Variants in ADAMTS20 observed in about 807,000 individuals in gnomAD.
ADAMTS20 encodes the protein A disintegrin and metalloproteinase with thrombospondin motifs 20.
ADAMTS20 carries 225 observed loss-of-function variants against 260.1 expected under a neutral mutation model. The ratio of observed to expected loss-of-function variants is 0.87; its 90% CI spans 0.78 to 0.97. The LOEUF is 0.97. Ranked by LOEUF, ADAMTS20 falls within the 50% of genes least tolerant of loss-of-function variation. The pLI is 0.00. For synonymous variants in ADAMTS20, 802 were observed against 769.5 expected (o/e 1.04, Z -0.70); for missense variants, 2,400 against 2,337.7 (o/e 1.03, Z -0.55).
intron 29 of ADAMTS20, among the ~76,000 whole-genome samples, chr12:43,391,393 C>A (rs1359636215): frequency 6.6e-6 from 1 of 152,050 alleles, no homozygotes; most frequent in Non-Finnish European, 1.5e-5. Context: ...CTTTTTTACT[C>A]CAGACTGAGC....
chr12:43,477,745 A>G (rs1287690644), intron 7 of ADAMTS20, among the ~76,000 whole-genome samples: 9 of 152,290 alleles, frequency 5.9e-5, no homozygotes, highest in Non-Finnish European at 1.3e-4. Flanking sequence ...GCGGTAAGCA[A>G]TGAATAATAA....
chr12:43,503,270 G>C (rs909959836), intron 3 of ADAMTS20, among the ~76,000 whole-genome samples: 1 of 151,898 alleles, frequency 6.6e-6, no homozygotes. Flanking sequence ...TTTGGTGGTG[G>C]TATTTTCAAT....
chr12:43,463,410 G>A (rs1267299429), intron 10 of ADAMTS20, among the ~76,000 whole-genome samples: 1 of 151,994 alleles, frequency 6.6e-6, no homozygotes, highest in East Asian at 1.9e-4. Flanking sequence ...AATGTATAAT[G>A]TATACTGAAG....
At chr12:43,440,096 G>A in intron 16 of ADAMTS20, 27 bp from the exon 17 acceptor site, 1 of 1,386,550 alleles carries the variant, frequency 7.2e-7, no homozygotes, top group African/African-American at 1.5e-5. Context: ...CATAACTCAT[G>A]AAATAGTAAC....
At chr12:43,356,248 T>C (rs1939739901) in intron 38 of ADAMTS20, among the ~76,000 whole-genome samples, 1 of 152,336 alleles carries the variant, frequency 6.6e-6, no homozygotes, top group Middle Eastern at 3.4e-3. Flanking sequence ...CAAATATCTA[T>C]AGCCTATATA....
At position 43,460,990 on chromosome 12, in the gene ADAMTS20, T is replaced by TATATA. The variant is rs1942054178; in HGVS notation, c.1614+1904_1614+1905insTATAT. ...TATATATATATATATATATATATAT[T>TATATA]TTTTTTTTTTTTTTTTTTTTTGAGA... On this transcript the variant is annotated intron_variant, in intron 11 of 38. Coordinates refer to ENST00000389420, the MANE Select transcript of ADAMTS20 (RefSeq NM_025003.5). Among the ~76,000 whole-genome samples the TATATA allele has an allele frequency of 2.1e-3, 57 of 27,742 alleles. 1 individual carries two copies. Among genetic ancestry groups the TATATA allele is most frequent in the African/African-American group, 4.2e-3 (39 of 9,178 alleles). The allele number at this position is 27,742 out of a possible 152,430, so 18.2% of individuals were successfully genotyped here. A position where few individuals can be genotyped will look rare whatever the true frequency, so the allele number is the denominator to read the frequency against.
chr12:43,535,377 A>C (rs1297193760), intron 2 of ADAMTS20, among the ~76,000 whole-genome samples: 1 of 148,672 alleles, frequency 6.7e-6, no homozygotes, highest in African/African-American at 2.4e-5. Flanking sequence ...TAGACCTAGA[A>C]TATAAAGACT....
rs369178202 is a variant in ADAMTS20, at chr12:43,469,971, G to A, written c.1118-1266C>T. 8.5e-5 allele frequency among the ~76,000 whole-genome samples: 13 copies of A among 152,166 alleles called. No homozygotes were observed. In the East Asian group the frequency reaches 1.5e-3, roughly 18 times the overall value. On this transcript the variant is annotated intron_variant, in intron 7 of 38. Transcript: ENST00000389420. ...CCACACCATCAAAAGGTCTTGCTTC[G>A]GCAAGGTCCCTCCAGAAAACGAGCT...
chr12:43,389,766 A>C (rs541957527), intron 29 of ADAMTS20, among the ~76,000 whole-genome samples: 187 of 152,190 alleles, frequency 1.2e-3, no homozygotes, highest in African/African-American at 4.4e-3. Flanking sequence ...CTGTCCAATA[A>C]CATGATAACA....
intron 28 of ADAMTS20, among the ~76,000 whole-genome samples, chr12:43,402,758 G>A (rs1032717820): frequency 1.1e-4 from 16 of 151,974 alleles, no homozygotes; most frequent in Middle Eastern, 3.2e-3. Context: ...CACCATCATA[G>A]TCTTGAAGTT....
At chr12:43,532,489 A>G (rs1943237228) in intron 2 of ADAMTS20, among the ~76,000 whole-genome samples, 1 of 152,120 alleles carries the variant, frequency 6.6e-6, no homozygotes, top group Non-Finnish European at 1.5e-5. Flanking sequence ...AGTGTTTAGA[A>G]TAGTCTATAA....
intron 3 of ADAMTS20, among the ~76,000 whole-genome samples, chr12:43,530,452 C>G (rs1943204553): frequency 6.6e-6 from 1 of 152,122 alleles, no homozygotes; most frequent in African/African-American, 2.4e-5. Context: ...AGAAAGGCAT[C>G]TATTATGTCA....
At chr12:43,370,635 T>G (rs2137201281) in intron 36 of ADAMTS20, among the ~76,000 whole-genome samples, 1 of 152,336 alleles carries the variant, frequency 6.6e-6, no homozygotes, top group South Asian at 2.1e-4. Context: ...TATATCAAAT[T>G]CCTATTGGGC....
Position 43,502,205 on chromosome 12 carries a change from C to T in ADAMTS20, c.814G>A (p.Val272Ile). The T allele has an allele frequency of 6.2e-7, 1 of 1,609,790 alleles. No homozygotes were observed. Among genetic ancestry groups the T allele is most frequent in the Non-Finnish European group, 8.5e-7 (1 of 1,178,398 alleles). Residue 272 changes from valine (V) to isoleucine (I), a missense_variant, in exon 4 of 39, where the codon GTT becomes ATT. Physicochemically the swap from Val to Ile is conservative, Grantham distance 29 (BLOSUM62 3). Transcript: ENST00000389420. Reference protein sequence around the residue: ...EIMVTADAKVVSAHGSNLQNY... With the variant: ...EIMVTADAKVISAHGSNLQNY... ...TGCAAATTCGATCCATGAGCAGAAACCACTTTAGCATCAGCTGTAACCATA... is the reference window on the plus strand; with the variant it reads ...TGCAAATTCGATCCATGAGCAGAAATCACTTTAGCATCAGCTGTAACCATA...
Position 43,505,564 on chromosome 12 carries a change from C to A in ADAMTS20, c.614-3159G>T, listed in dbSNP as rs899453745. On this transcript the variant is annotated intron_variant, in intron 3 of 38. Transcript: ENST00000389420. ...AGCACAATTAATCATTAAAGAAATG[C>A]AAATCAAAACCACAATATCACTTCA... is the stretch of plus-strand genomic sequence containing the variant. 2.6e-5 allele frequency among the ~76,000 whole-genome samples: 4 copies of A among 152,028 alleles called. 1 individual carries two copies. The South Asian group carries it at 8.3e-4, about 32-fold the overall frequency.
At chr12:43,492,718 A>G in intron 5 of ADAMTS20, 89 bp from the exon 6 acceptor site, 1 of 1,451,698 alleles carries the variant, frequency 6.9e-7, no homozygotes, top group Non-Finnish European at 9.4e-7. Flanking sequence ...AATTTATCAA[A>G]TAGCATTCTC....
intron 2 of ADAMTS20, among the ~76,000 whole-genome samples, chr12:43,547,382 A>G (rs1943454810): frequency 6.6e-6 from 1 of 152,166 alleles, no homozygotes; most frequent in Non-Finnish European, 1.5e-5. Flanking sequence ...GGAGGCAAAG[A>G]AAACAGATGC....
At chr12:43,432,194 A>G (rs748598659) in intron 21 of ADAMTS20, 110 bp downstream of exon 21, 8 of 1,224,336 alleles carry the variant, frequency 6.5e-6, no homozygotes, top group Non-Finnish European at 9.0e-6. Flanking sequence ...ATAGTTATTT[A>G]CAAAATGATG....
chr12:43,547,119 C>A (rs2062732), intron 2 of ADAMTS20, among the ~76,000 whole-genome samples: 14,315 of 152,176 alleles, frequency 0.094, 863 homozygotes, highest in Admixed American at 0.2. Flanking sequence ...GGGGTTAATT[C>A]AAAACTAACA....
Sources: gnomAD v4.1 joint callset for allele counts (sites outside exome capture counted in the v4.1 genomes callset) on GRCh38, gnomAD v4.1.1 for gene constraint, MANE v1.5 for transcripts, NCBI Gene and HGNC (gene_info 2026-07-23, HGNC 2026-07-21) for gene names.